LINGO2: variants seen among roughly 807,000 people sequenced by gnomAD.
The protein encoded by LINGO2 is leucine-rich repeat and immunoglobulin-like domain-containing nogo receptor-interacting protein 2.
A neutral mutation model predicts 30.6 loss-of-function variants in LINGO2; 14 were observed. That is an observed-to-expected ratio of 0.46 (90% CI 0.30 to 0.72). LINGO2 has a LOEUF of 0.72. LINGO2 is among the 30% of genes least tolerant of loss of function. LINGO2 has a pLI of 0.07. For synonymous variants in LINGO2, 317 were observed against 288.5 expected, an observed-to-expected ratio of 1.10 and a Z score of -1.00; for missense variants, 729 against 751.7, an observed-to-expected ratio of 0.97 and a Z score of 0.35.
At chr9:27,998,302 A>G (rs79121449) in intron 5 of LINGO2, among the ~76,000 whole-genome samples, 8,210 of 152,252 alleles carry the variant, frequency 0.054, 379 homozygotes, top group Admixed American at 0.11. Flanking sequence ...GCCAGCTGCC[A>G]TGTAAAAATG....
chr9:28,907,268 T>C, the LINGO2 span, among the ~76,000 whole-genome samples: 1 of 151,894 alleles, frequency 6.6e-6, no homozygotes, highest in Non-Finnish European at 1.5e-5. Flanking sequence ...AAGGAAGACT[T>C]TATGAAAGAG....
intron 1 of LINGO2, among the ~76,000 whole-genome samples, chr9:28,595,844 C>T (rs561605294): frequency 4.6e-5 from 7 of 152,066 alleles, no homozygotes; most frequent in Non-Finnish European, 4.4e-5. Flanking sequence ...ATTCTGGCAA[C>T]CAGATAATAA....
chr9:28,458,768 C>T (rs1450450236), intron 2 of LINGO2, among the ~76,000 whole-genome samples: 1 of 152,110 alleles, frequency 6.6e-6, no homozygotes, highest in African/African-American at 2.4e-5. Context: ...CTTCCTAGAT[C>T]AACTAACTGC....
intron 1 of LINGO2, among the ~76,000 whole-genome samples, chr9:28,530,236 A>G (rs1024204547): frequency 6.6e-6 from 1 of 152,080 alleles, no homozygotes; most frequent in Non-Finnish European, 1.5e-5. Context: ...GGTGATGATG[A>G]TGACAACGAA....
chr9:28,673,667 G>A (rs528141084), upstream of LINGO2, among the ~76,000 whole-genome samples: 1 of 147,060 alleles, frequency 6.8e-6, no homozygotes, highest in South Asian at 2.2e-4. Context: ...ACTCTGTCTC[G>A]ATCATCATCA....
At chr9:28,418,064 T>TC (rs1823039343) in intron 2 of LINGO2, among the ~76,000 whole-genome samples, 1 of 152,084 alleles carries the variant, frequency 6.6e-6, no homozygotes, top group African/African-American at 2.4e-5. Flanking sequence ...TTCCATTTTT[T>TC]CCCCCAGTGG....
At chr9:28,178,717 A>G (rs533431457) in intron 4 of LINGO2, among the ~76,000 whole-genome samples, 1 of 152,264 alleles carries the variant, frequency 6.6e-6, no homozygotes, top group South Asian at 2.1e-4. Context: ...CTGAGTTCTC[A>G]TGTTTTTATT....
At chr9:28,024,389 A>G in intron 4 of LINGO2, among the ~76,000 whole-genome samples, 1 of 152,118 alleles carries the variant, frequency 6.6e-6, no homozygotes, top group East Asian at 1.9e-4. Flanking sequence ...AGGGAGGTTG[A>G]AGCCTGAGCT....
At chr9:28,495,705 T>C (rs1278753243) in intron 1 of LINGO2, among the ~76,000 whole-genome samples, 2 of 152,322 alleles carry the variant, frequency 1.3e-5, no homozygotes, top group East Asian at 3.9e-4. Context: ...TGATAGCTTT[T>C]GAATGTGTTT....
the LINGO2 span, among the ~76,000 whole-genome samples, chr9:29,189,755 A>G: frequency 3.9e-5 from 6 of 152,272 alleles, no homozygotes; most frequent in African/African-American, 1.2e-4. Flanking sequence ...TCCGTCTGCA[A>G]TCCCGGCACC....
intron 1 of LINGO2, among the ~76,000 whole-genome samples, chr9:28,635,275 G>A (rs1303433134): frequency 1.3e-5 from 2 of 152,132 alleles, no homozygotes; most frequent in Non-Finnish European, 2.9e-5. Context: ...AGTAACATTA[G>A]AAAGACAAAT....
chr9:28,758,852 T>C, the LINGO2 span, among the ~76,000 whole-genome samples: 1 of 152,076 alleles, frequency 6.6e-6, no homozygotes, highest in Non-Finnish European at 1.5e-5. Context: ...ACTGGATCCA[T>C]TTACTAACAG....
At chr9:28,647,790 C>A (rs1003768771) in intron 1 of LINGO2, among the ~76,000 whole-genome samples, 3 of 151,902 alleles carry the variant, frequency 2.0e-5, no homozygotes, top group Admixed American at 6.6e-5. Context: ...GGGATTATAC[C>A]ATACATTAAC....
chr9:28,339,223 G>T (rs1345897431), intron 3 of LINGO2, among the ~76,000 whole-genome samples: 1 of 152,020 alleles, frequency 6.6e-6, no homozygotes, highest in Non-Finnish European at 1.5e-5. Flanking sequence ...AATGGATTAT[G>T]TCTTTAATGG....
the LINGO2 span, among the ~76,000 whole-genome samples, chr9:29,143,411 A>G: frequency 2.1e-4 from 32 of 152,282 alleles, no homozygotes; most frequent in Middle Eastern, 6.8e-3. Context: ...ACTTCAAAAC[A>G]TATTATGAAG....
At chr9:28,502,131 G>GACACACACACACACACAC (rs57545947) in intron 1 of LINGO2, among the ~76,000 whole-genome samples, 1 of 147,028 alleles carries the variant, frequency 6.8e-6, no homozygotes, top group Non-Finnish European at 1.5e-5. Context: ...GAGAAACACA[G>GACACACACACACACACAC]ACACACACAC....
rs541998408 is a variant in LINGO2 at position 28,375,598 on chromosome 9, T to A, written c.-278-2730A>T. 9.2e-5 allele frequency among the ~76,000 whole-genome samples: 14 copies of A among 152,338 alleles called. No homozygotes were observed. In the South Asian group the frequency reaches 2.9e-3, roughly 32 times the overall value. On this transcript the variant is annotated intron_variant, in intron 2 of 5. Coordinates refer to ENST00000379992, the Ensembl canonical transcript of LINGO2. ...CTGCATGCCGCAGAAGGTGCTGGTC[T>A]GATGAGTGATGGAACAGCCTTTGGA...
At chr9:28,291,522 GT>G (rs919721538) in intron 4 of LINGO2, among the ~76,000 whole-genome samples, 1 of 152,050 alleles carries the variant, frequency 6.6e-6, no homozygotes, top group East Asian at 1.9e-4. Flanking sequence ...GCTGCCAAGA[GT>G]TTTTTTAAAA....
intron 1 of LINGO2, among the ~76,000 whole-genome samples, chr9:28,549,050 A>G (rs1026719677): frequency 2.0e-5 from 3 of 152,074 alleles, no homozygotes; most frequent in African/African-American, 7.2e-5. Context: ...TAACCTGTAT[A>G]CAGTTCTTTC....
Sources: allele counts gnomAD v4.1 joint callset (sites outside exome capture counted in the v4.1 genomes callset), GRCh38; gene constraint gnomAD v4.1.1; transcripts MANE v1.5; gene names NCBI Gene and HGNC (gene_info 2026-07-23, HGNC 2026-07-21).